Variants in CRYBA4 observed in about 807,000 individuals in gnomAD.
CRYBA4 encodes the protein crystallin beta A4, also known as beta-crystallin A4.
A neutral mutation model predicts 31.7 loss-of-function variants in CRYBA4; 30 were observed. The ratio of observed to expected loss-of-function variants is 0.95; its 90% confidence interval spans 0.71 to 1.28. The LOEUF (loss-of-function observed/expected upper bound fraction) is 1.28. Among genes scored for constraint, CRYBA4 ranks in the 50% most tolerant of loss-of-function variants. CRYBA4 has a pLI of 0.00. For synonymous variants in CRYBA4, 102 were observed against 102.3 expected (o/e 1.00, Z 0.02); for missense variants, 225 against 260.7 (o/e 0.86, Z 0.94).
chr22:26,614,050 A>G, the CRYBA4 span, among the ~76,000 whole-genome samples: 1 of 152,290 alleles, frequency 6.6e-6, no homozygotes, highest in South Asian at 2.1e-4. Flanking sequence ...TGCCTAATAA[A>G]TTTTGGCCAG....
chr22:26,599,218 G>C, the CRYBA4 span: 1 of 485,742 alleles, frequency 2.1e-6, no homozygotes, highest in South Asian at 2.4e-5. Flanking sequence ...TTGACGGCAG[G>C]AACTTGGCCT....
chr22:26,601,995 CAG>C, the CRYBA4 span: 1 of 1,613,708 alleles, frequency 6.2e-7, no homozygotes, highest in Non-Finnish European at 8.5e-7. Context: ...CCCCTTCAAA[CAG>C]GGAGATTTTG....
upstream of CRYBA4, among the ~76,000 whole-genome samples, chr22:26,620,712 C>G (rs1408108680): frequency 0.028 from 2 of 72 alleles, no homozygotes; most frequent in Non-Finnish European, 0.059. Context: ...TACAGGCGCC[C>G]GCGCTACTCC....
At chr22:26,600,765 A>G in the CRYBA4 span, among the ~76,000 whole-genome samples, 2 of 152,304 alleles carry the variant, frequency 1.3e-5, no homozygotes, top group East Asian at 1.9e-4. Flanking sequence ...CCCCCTCCCT[A>G]TATTGTAAAG....
upstream of CRYBA4, among the ~76,000 whole-genome samples, chr22:26,618,569 G>C (rs1396791933): frequency 6.6e-6 from 1 of 152,190 alleles, no homozygotes; most frequent in African/African-American, 2.4e-5. Flanking sequence ...ACTGTGTGCC[G>C]AACCCGTGTT....
chr22:26,619,831 A>G (rs1344737250), upstream of CRYBA4, among the ~76,000 whole-genome samples: 1 of 152,184 alleles, frequency 6.6e-6, no homozygotes, highest in Non-Finnish European at 1.5e-5. Context: ...CCCCCCCTAA[A>G]GCCCCAGGAA....
the CRYBA4 span, among the ~76,000 whole-genome samples, chr22:26,592,497 G>T: frequency 6.6e-6 from 1 of 152,228 alleles, no homozygotes; most frequent in African/African-American, 2.4e-5. Context: ...ATCCTTGGAA[G>T]AGTGCACTGG....
chr22:26,600,744 C>T, the CRYBA4 span, among the ~76,000 whole-genome samples: 2 of 152,254 alleles, frequency 1.3e-5, no homozygotes, highest in African/African-American at 4.8e-5. Context: ...TCTTTCCAGG[C>T]TTCTGCCAGA....
chr22:26,610,324 C>CCT, the CRYBA4 span, among the ~76,000 whole-genome samples: 1 of 152,154 alleles, frequency 6.6e-6, no homozygotes, highest in Non-Finnish European at 1.5e-5. Context: ...TTTCCCCATG[C>CCT]CTACCTCACC....
intron 1 of CRYBA4, among the ~76,000 whole-genome samples, 195 bp downstream of exon 1, chr22:26,622,181 C>G (rs1457658909): frequency 1.3e-5 from 2 of 152,144 alleles, no homozygotes; most frequent in African/African-American, 4.8e-5. Flanking sequence ...ATTCCTGTAG[C>G]CCTATTGCCT....
upstream of CRYBA4, among the ~76,000 whole-genome samples, chr22:26,621,784 T>C (rs1602337219): frequency 6.6e-6 from 1 of 152,024 alleles, no homozygotes; most frequent in South Asian, 2.1e-4. Context: ...TCCCTGGGGG[T>C]GGTGATCTGG....
the CRYBA4 span, among the ~76,000 whole-genome samples, chr22:26,604,238 C>A: frequency 1.3e-5 from 2 of 152,216 alleles, no homozygotes; most frequent in African/African-American, 4.8e-5. Flanking sequence ...TTAGGCCAGT[C>A]ATTTTCTACT....
chr22:26,607,927 G>A, the CRYBA4 span: 105 of 1,614,068 alleles, frequency 6.5e-5, no homozygotes, highest in African/African-American at 7.3e-4. Flanking sequence ...CGATCACTGC[G>A]GTAGCTGCTC....
At chr22:26,627,448 T>C (rs1929767026) in intron 4 of CRYBA4, among the ~76,000 whole-genome samples, 1 of 107,956 alleles carries the variant, frequency 9.3e-6, no homozygotes, top group South Asian at 3.4e-4. Context: ...CTTTCTTTCC[T>C]TCTTTCTTTT....
chr22:26,599,762 G>A, the CRYBA4 span: 2 of 985,696 alleles, frequency 2.0e-6, no homozygotes, highest in Non-Finnish European at 3.2e-6. Context: ...GTCCTTCATT[G>A]ATCCCTGCAG....
chr22:26,620,622 T>A (rs914088495), upstream of CRYBA4, among the ~76,000 whole-genome samples: 26 of 140,910 alleles, frequency 1.8e-4, no homozygotes, highest in Admixed American at 8.8e-4. Context: ...TCAAGAGAAA[T>A]GGCATGATCT....
the CRYBA4 span, chr22:26,616,216 G>A: frequency 6.2e-7 from 1 of 1,614,158 alleles, no homozygotes; most frequent in Non-Finnish European, 8.5e-7. Context: ...GGTAGTGCCG[G>A]GACTAGGGGA....
upstream of CRYBA4, among the ~76,000 whole-genome samples, chr22:26,621,518 A>G (rs1409050363): frequency 6.6e-6 from 1 of 152,220 alleles, no homozygotes; most frequent in East Asian, 1.9e-4. Context: ...GGAAAGAGAG[A>G]AGGAAAGGAA....
intron 3 of CRYBA4, 140 bp from the exon 4 acceptor site, chr22:26,625,341 C>A: frequency 6.1e-6 from 6 of 976,326 alleles, no homozygotes; most frequent in Non-Finnish European, 9.1e-6. Flanking sequence ...AAAAATGTCT[C>A]CAGCCATCGT....
Sources: gnomAD v4.1 joint callset for allele counts (sites outside exome capture counted in the v4.1 genomes callset) on GRCh38, gnomAD v4.1.1 for gene constraint, MANE v1.5 for transcripts, NCBI Gene and HGNC (gene_info 2026-07-23, HGNC 2026-07-21) for gene names.